DGKI: variants seen among roughly 807,000 people sequenced by gnomAD.
DGKI encodes the protein DAG kinase iota.
In DGKI, 55 loss-of-function variants were observed where a neutral mutation model predicts 147.5. The observed-to-expected ratio is 0.37, with a 90% confidence interval of 0.30 to 0.47. The LOEUF (loss-of-function observed/expected upper bound fraction) is 0.47. DGKI is among the 20% of genes least tolerant of loss of function. The probability of loss-of-function intolerance (pLI) is 1.00; values close to 1 mark genes in which losing one functional copy is unlikely to be tolerated. For synonymous variants in DGKI, 469 were observed against 477.1 expected (o/e 0.98, Z 0.22); for missense variants, 1,007 against 1,323.8 (o/e 0.76, Z 3.71).
At chr7:137,395,418 G>A (rs1811513798) in intron 32 of DGKI, among the ~76,000 whole-genome samples, 180 bp downstream of exon 32, 2 of 152,296 alleles carry the variant, frequency 1.3e-5, no homozygotes, top group South Asian at 2.1e-4. Flanking sequence ...CTCCCTTTGT[G>A]CTTATACATT....
At chr7:137,646,808 A>G (rs1246223256) in intron 5 of DGKI, among the ~76,000 whole-genome samples, 3 of 152,204 alleles carry the variant, frequency 2.0e-5, no homozygotes, top group Admixed American at 2.0e-4. Context: ...GACAGAAAAT[A>G]GATCAGTGTA....
In DGKI at chr7:137,519,431, T is replaced by G. The variant is rs77728697; in HGVS notation, c.2248+2435A>C. 3.4e-3 allele frequency among the ~76,000 whole-genome samples: 511 copies of G among 152,138 alleles called. 2 individuals carry two copies. Among genetic ancestry groups the G allele is most frequent in the Middle Eastern group, 0.01 (3 of 294 alleles). On this transcript the variant is annotated intron_variant, in intron 21 of 32. Transcript: ENST00000614521. Reference sequence around the variant, plus strand: ...TTGGCACACCATCAAGAAATGGAACTAACTTCAAACGCAGTACCATGCTAC... The same window carrying G: ...TTGGCACACCATCAAGAAATGGAACGAACTTCAAACGCAGTACCATGCTAC...
At chr7:137,747,820 T>C (rs200112456) in intron 1 of DGKI, among the ~76,000 whole-genome samples, 2 of 152,184 alleles carry the variant, frequency 1.3e-5, no homozygotes, top group African/African-American at 4.8e-5. Context: ...CCTAAACCCC[T>C]ACTGCCACTC....
At chr7:137,620,546 CA>C (rs1427236552) in intron 7 of DGKI, among the ~76,000 whole-genome samples, 1 of 151,938 alleles carries the variant, frequency 6.6e-6, no homozygotes, top group Non-Finnish European at 1.5e-5. Context: ...CCAGAAGTAA[CA>C]AAGTACAAAG....
At chr7:137,445,478 C>T (rs79358859) in intron 27 of DGKI, among the ~76,000 whole-genome samples, 8,832 of 152,188 alleles carry the variant, frequency 0.058, 672 homozygotes, top group African/African-American at 0.17. Context: ...TTTGGCCTCC[C>T]TGGGTAGGGT....
chr7:137,681,108 T>C (rs2116406849), intron 2 of DGKI, among the ~76,000 whole-genome samples: 1 of 152,300 alleles, frequency 6.6e-6, no homozygotes, highest in South Asian at 2.1e-4. Context: ...GAGACCCTGG[T>C]GGTAGGAGTG....
chr7:137,520,483 T>TAATA (rs1278176899), intron 21 of DGKI, among the ~76,000 whole-genome samples: 1 of 152,070 alleles, frequency 6.6e-6, no homozygotes, highest in Admixed American at 6.6e-5. Flanking sequence ...TTAGAAAATG[T>TAATA]AATATGTTGT....
intron 1 of DGKI, among the ~76,000 whole-genome samples, chr7:137,835,473 A>G (rs1299931559): frequency 1.3e-5 from 2 of 152,184 alleles, no homozygotes; most frequent in Non-Finnish European, 2.9e-5. Flanking sequence ...ATGAAATACT[A>G]TTCTTGGAAT....
intron 12 of DGKI, among the ~76,000 whole-genome samples, chr7:137,597,133 TACAA>T (rs1585268862): frequency 6.6e-6 from 1 of 152,244 alleles, no homozygotes; most frequent in Admixed American, 6.5e-5. Context: ...CATAAATGAA[TACAA>T]ACATACAGTC....
intron 1 of DGKI, among the ~76,000 whole-genome samples, chr7:137,769,810 AAGTC>A (rs1483699772): frequency 6.6e-6 from 1 of 152,232 alleles, no homozygotes; most frequent in African/African-American, 2.4e-5. Flanking sequence ...AATTGTTAAA[AAGTC>A]AGGAAACAAT....
At chr7:137,525,879 TG>T (rs1225677886) in intron 20 of DGKI, among the ~76,000 whole-genome samples, 1 of 152,032 alleles carries the variant, frequency 6.6e-6, no homozygotes, top group African/African-American at 2.4e-5. Flanking sequence ...GACAAGGTGC[TG>T]GGCTACCTCT....
At position 137,391,354 on chromosome 7, in the gene DGKI, G is replaced by T; in HGVS notation, c.3058-18C>A. The T allele has an allele frequency of 4.5e-6, 5 of 1,122,714 alleles. No homozygotes were observed. Among genetic ancestry groups the T allele is most frequent in the South Asian group, 1.9e-5 (1 of 51,906 alleles). The allele number at this position is 1,122,714 out of a possible 1,614,324, so 69.5% of individuals were successfully genotyped here. ...GTCTTACCCTATACGAAAATAGTGA[G>T]AAAAAAAAAAAGAGAGAGAGAGATA... On this transcript the variant is annotated intron_variant, in intron 32 of 32. Coordinates refer to ENST00000614521, the MANE Select transcript of DGKI (RefSeq NM_001321708.2).
At position 137,521,947 on chromosome 7, in the gene DGKI, G is replaced by T. The variant is rs760167594; in HGVS notation, c.2167C>A (p.Arg723Ser). The T allele has an allele frequency of 1.2e-6, 2 of 1,611,378 alleles. No individual in the cohort carries two copies. The highest frequency in any genetic ancestry group is 1.7e-6 in the Non-Finnish European group (2 of 1,178,456). Residue 723 changes from arginine (R) to serine (S), a missense_variant, in exon 21 of 33, where the codon CGT becomes AGT. Transcript: ENST00000614521. ...ATTTTGTTCACCCGGATCCTCAGAC[G>T]ATCTGGGACAGACTGGGGACTGCAA... ...LLNDPQSVPD[R>S]LRIRVNKISL...
intron 4 of DGKI, among the ~76,000 whole-genome samples, chr7:137,655,266 T>C (rs1433545866): frequency 6.6e-6 from 1 of 151,808 alleles, no homozygotes; most frequent in Non-Finnish European, 1.5e-5. Flanking sequence ...TGGTGTGATC[T>C]CAGCTCACTG....
chr7:137,716,895 G>A (rs3800631), intron 1 of DGKI, among the ~76,000 whole-genome samples: 58,876 of 152,026 alleles, frequency 0.39, 13,056 homozygotes, highest in African/African-American at 0.62. Context: ...TTTTCCACCC[G>A]TGTTTTTTAC....
At chr7:137,672,595 CA>C (rs774842223) in intron 3 of DGKI, among the ~76,000 whole-genome samples, 28 of 152,058 alleles carry the variant, frequency 1.8e-4, no homozygotes, top group Non-Finnish European at 3.1e-4. Flanking sequence ...AAGGTTTCAA[CA>C]AGGTTGAACA....
In DGKI at chr7:137,444,117, T is replaced by A. The variant is rs1813618978; in HGVS notation, c.2736-15A>T. 1 of 1,411,720 alleles carries A rather than the reference T, an allele frequency of 7.1e-7. No individual in the cohort carries two copies. Among genetic ancestry groups the A allele is most frequent in the African/African-American group, 1.4e-5 (1 of 69,730 alleles). 87.4% of individuals were successfully genotyped at this position (1,411,720 alleles called of 1,614,324 possible). ...AGACTGGTGACCTAAAAGGAAATAA[T>A]AAGCATGATCAATATTTTATATGAT... On this transcript the variant is annotated splice_polypyrimidine_tract_variant and intron_variant, in intron 27 of 32. Coordinates refer to ENST00000614521, the MANE Select transcript of DGKI (RefSeq NM_001321708.2).
At chr7:137,623,636 T>C in intron 6 of DGKI, 82 bp from the exon 7 acceptor site, 1 of 1,242,574 alleles carries the variant, frequency 8.0e-7, no homozygotes, top group East Asian at 2.4e-5. Flanking sequence ...TGCAATGACG[T>C]GAATAAGGCC....
At chr7:137,447,891 C>G (rs1264384064) in intron 27 of DGKI, among the ~76,000 whole-genome samples, 1 of 151,964 alleles carries the variant, frequency 6.6e-6, no homozygotes, top group Admixed American at 6.5e-5. Flanking sequence ...GTTAGTAACA[C>G]AGAAAAAAAA....
Sources: allele counts gnomAD v4.1 joint callset (sites outside exome capture counted in the v4.1 genomes callset), GRCh38; gene constraint gnomAD v4.1.1; transcripts MANE v1.5; gene names NCBI Gene and HGNC (gene_info 2026-07-23, HGNC 2026-07-21).